The following RBFOX1 variants were observed in gnomAD, a reference collection of about 807,000 sequenced individuals.
RBFOX1 encodes the protein RNA binding fox-1 homolog 1, also known as RNA binding protein fox-1 homolog 1.
In RBFOX1, 8 loss-of-function variants were observed where a neutral mutation model predicts 57.7. That is an observed-to-expected ratio of 0.14 (90% confidence interval 0.08 to 0.25). The LOEUF is 0.25. Ranked by LOEUF, RBFOX1 falls within the 10% of genes least tolerant of loss-of-function variation. RBFOX1 has a pLI of 1.00. For synonymous variants in RBFOX1, 326 were observed against 222.4 expected, an observed-to-expected ratio of 1.47 and a Z score of -4.15; for missense variants, 611 against 548.5, an observed-to-expected ratio of 1.11 and a Z score of -1.14.
At chr16:6,967,580 A>C (rs2084554325) in intron 3 of RBFOX1, among the ~76,000 whole-genome samples, 1 of 152,210 alleles carries the variant, frequency 6.6e-6, no homozygotes, top group East Asian at 1.9e-4. Context: ...TTTACATGTC[A>C]TCAGCTTCTC....
At chr16:7,328,598 C>G (rs888775804) in intron 4 of RBFOX1, 2 of 149,070 alleles carry the variant, frequency 1.3e-5, no homozygotes, top group African/African-American at 4.9e-5. Context: ...AAGGAAATGT[C>G]ATCATGGAAG....
At chr16:6,748,293 A>G (rs2074202536) in intron 3 of RBFOX1, among the ~76,000 whole-genome samples, 1 of 151,540 alleles carries the variant, frequency 6.6e-6, no homozygotes, top group Admixed American at 6.6e-5. Flanking sequence ...ACACACACAC[A>G]CGCAAATACA....
At chr16:6,497,561 T>TTAA (rs1555505022) in intron 2 of RBFOX1, among the ~76,000 whole-genome samples, 5 of 149,720 alleles carry the variant, frequency 3.3e-5, no homozygotes, top group African/African-American at 1.2e-4. Context: ...TTGAAGTTTT[T>TTAA]AAAAAAAAAA....
intron 3 of RBFOX1, among the ~76,000 whole-genome samples, chr16:5,758,097 C>T (rs980371090): frequency 2.0e-5 from 3 of 152,172 alleles, no homozygotes; most frequent in Non-Finnish European, 4.4e-5. Context: ...TGAGGCTGAC[C>T]ACCCATATGT....
chr16:7,155,715 ATATAT>A lies in RBFOX1; in HGVS notation c.27+103618_27+103622del, dbSNP rs1567489991. ...CCTCCCACCAAAAAAAAAAAAAAAT[ATATAT>A]ATATATATATATATATATACACACA... On this transcript the variant is annotated intron_variant, in intron 4 of 15. Transcript: ENST00000550418. 3.1e-4 allele frequency among the ~76,000 whole-genome samples: 23 copies of A among 73,524 alleles called. 1 individual carries two copies. Among genetic ancestry groups the A allele is most frequent in the Admixed American group, 4.7e-4 (3 of 6,440 alleles). The allele number at this position is 73,524 out of a possible 152,430, so 48.2% of individuals were successfully genotyped here.
At chr16:6,612,860 A>AT (rs1555612722) in intron 2 of RBFOX1, among the ~76,000 whole-genome samples, 4 of 27,852 alleles carry the variant, frequency 1.4e-4, no homozygotes, top group African/African-American at 3.8e-4. Flanking sequence ...AAAAAAAAAA[A>AT]AAAAATAATA....
Position 6,603,058 on chromosome 16 carries a change from C to G in RBFOX1, c.-63-51545C>G, listed in dbSNP as rs1342867733. On this transcript the variant is annotated intron_variant, in intron 2 of 15. Transcript: ENST00000550418. ...TAAGTATTTACTGTCATTGTCTACT[C>G]TTCATCCTAGTAGCAAAAAAATAAA... 4.6e-5 allele frequency among the ~76,000 whole-genome samples: 7 copies of G among 152,194 alleles called. 1 individual carries two copies. The South Asian group carries it at 1.2e-3, about 27-fold the overall frequency.
intron 1 of RBFOX1, among the ~76,000 whole-genome samples, chr16:6,103,956 G>A (rs1172971520): frequency 6.6e-6 from 1 of 152,074 alleles, no homozygotes; most frequent in African/African-American, 2.4e-5. Flanking sequence ...CCTAGCCATT[G>A]GGGCTCAGCC....
At chr16:6,394,406 A>G (rs1484276626) in intron 2 of RBFOX1, among the ~76,000 whole-genome samples, 1 of 152,222 alleles carries the variant, frequency 6.6e-6, no homozygotes, top group Non-Finnish European at 1.5e-5. Flanking sequence ...AACTGAACTG[A>G]ATTACAGGCA....
At chr16:5,966,148 G>A (rs1458086453) in intron 4 of RBFOX1, among the ~76,000 whole-genome samples, 1 of 152,012 alleles carries the variant, frequency 6.6e-6, no homozygotes, top group Non-Finnish European at 1.5e-5. Context: ...TAAATTCATT[G>A]CTCAATGAAT....
chr16:5,585,085 T>C (rs2046788441), intron 2 of RBFOX1, among the ~76,000 whole-genome samples: 2 of 152,146 alleles, frequency 1.3e-5, no homozygotes, highest in African/African-American at 4.8e-5. Context: ...CACAGTGTTG[T>C]ACAGCCGTCA....
At chr16:5,321,439 C>T (rs576305058) in intron 1 of RBFOX1, among the ~76,000 whole-genome samples, 7 of 152,250 alleles carry the variant, frequency 4.6e-5, no homozygotes, top group African/African-American at 1.7e-4. Context: ...CCTGCCTCAG[C>T]CTCCCGAGTA....
At chr16:5,311,591 T>A (rs562968193) in intron 1 of RBFOX1, among the ~76,000 whole-genome samples, 2 of 152,246 alleles carry the variant, frequency 1.3e-5, no homozygotes, top group Non-Finnish European at 2.9e-5. Context: ...TAATAATCAT[T>A]CTTGCTGGAG....
chr16:6,292,237 G>A (rs2077544546), intron 1 of RBFOX1, among the ~76,000 whole-genome samples: 1 of 152,066 alleles, frequency 6.6e-6, no homozygotes, highest in African/African-American at 2.4e-5. Context: ...TCTAGCCTGG[G>A]TAAGAAAGTG....
intron 3 of RBFOX1, among the ~76,000 whole-genome samples, chr16:5,814,753 C>A (rs1304875658): frequency 6.6e-6 from 1 of 152,066 alleles, no homozygotes; most frequent in East Asian, 1.9e-4. Context: ...AAGGTGAAAC[C>A]CCGTCTCTAC....
intron 3 of RBFOX1, among the ~76,000 whole-genome samples, chr16:6,835,855 C>A (rs1457142543): frequency 6.6e-6 from 1 of 151,634 alleles, no homozygotes; most frequent in Non-Finnish European, 1.5e-5. Context: ...GATACAGGGA[C>A]CCAGGCTCCT....
At chr16:5,562,168 A>G (rs1213854781) in intron 2 of RBFOX1, among the ~76,000 whole-genome samples, 3 of 152,204 alleles carry the variant, frequency 2.0e-5, no homozygotes, top group East Asian at 3.9e-4. Context: ...GGAAAAAGAA[A>G]GATTTGATAG....
intron 1 of RBFOX1, among the ~76,000 whole-genome samples, chr16:6,249,677 C>T (rs1285013628): frequency 4.6e-5 from 7 of 151,882 alleles, no homozygotes; most frequent in Middle Eastern, 3.4e-3. Context: ...CTAGCCAGGG[C>T]ATCCATGCCA....
intron 2 of RBFOX1, among the ~76,000 whole-genome samples, chr16:6,353,554 A>G (rs1245993902): frequency 1.3e-5 from 2 of 152,064 alleles, no homozygotes; most frequent in Non-Finnish European, 2.9e-5. Context: ...CTGGACCTAG[A>G]GAGCCAGGTA....
Sources: allele counts gnomAD v4.1 joint callset (sites outside exome capture counted in the v4.1 genomes callset), GRCh38; gene constraint gnomAD v4.1.1; transcripts MANE v1.5; gene names NCBI Gene and HGNC (gene_info 2026-07-23, HGNC 2026-07-21).